Variants in U2SURP observed in about 807,000 individuals in gnomAD.
The protein encoded by U2SURP is U2 snRNP-associated SURP motif-containing protein.
Under a neutral mutation model 144.9 loss-of-function variants are expected in U2SURP, and 9 were observed. That is an observed-to-expected ratio of 0.06 (90% CI 0.04 to 0.11). The LOEUF is 0.11. U2SURP is among the 10% of genes least tolerant of loss of function. U2SURP has a pLI of 1.00. For missense variants in U2SURP, 724 were observed against 1,226.7 expected, an observed-to-expected ratio of 0.59 and a Z score of 6.12; for synonymous variants, 408 against 396.8, an observed-to-expected ratio of 1.03 and a Z score of -0.33.
intron 4 of U2SURP, among the ~76,000 whole-genome samples, chr3:143,014,729 CT>C (rs1465885315): frequency 6.6e-6 from 1 of 152,064 alleles, no homozygotes; most frequent in Admixed American, 6.6e-5. Flanking sequence ...ATACAGTACA[CT>C]TTTTTCCTAC....
intron 1 of U2SURP, among the ~76,000 whole-genome samples, chr3:143,004,491 G>A (rs938977535): frequency 1.4e-4 from 20 of 144,524 alleles, no homozygotes; most frequent in African/African-American, 5.1e-4. Flanking sequence ...AGCCTCCCGA[G>A]TAGCTGGGAC....
chr3:143,036,182 C>T, intron 20 of U2SURP, 78 bp downstream of exon 20: 1 of 1,418,410 alleles, frequency 7.1e-7, no homozygotes, highest in Non-Finnish European at 9.3e-7. Flanking sequence ...TTCTGTGTTA[C>T]ATATGTGAGG....
intron 3 of U2SURP, 24 bp from the exon 4 acceptor site, chr3:143,014,286 TA>T: frequency 6.6e-7 from 1 of 1,505,516 alleles, no homozygotes; most frequent in Non-Finnish European, 9.1e-7. Context: ...AATCTATATG[TA>T]AAAGTATGCT....
At chr3:143,035,121 CG>C (rs1560194066) in intron 19 of U2SURP, 146 bp downstream of exon 19, 2 of 443,680 alleles carry the variant, frequency 4.5e-6, no homozygotes, top group African/African-American at 4.1e-5. Flanking sequence ...AAAATTCTGT[CG>C]TTTTTGTTTT....
At chr3:143,043,378 T>G (rs1934222438) in intron 24 of U2SURP, 102 bp downstream of exon 24, 1 of 1,234,874 alleles carries the variant, frequency 8.1e-7, no homozygotes, top group Non-Finnish European at 1.1e-6. Context: ...ATACTGTTCC[T>G]TCTCTCTGCT....
At chr3:143,055,609 A>C (rs898286565) in intron 27 of U2SURP, among the ~76,000 whole-genome samples, 2 of 151,986 alleles carry the variant, frequency 1.3e-5, no homozygotes, top group African/African-American at 2.4e-5. Flanking sequence ...GAAATGTTTT[A>C]TTTATCTGGT....
intron 6 of U2SURP, among the ~76,000 whole-genome samples, chr3:143,018,933 A>T (rs1018131674): frequency 6.6e-6 from 1 of 152,158 alleles, no homozygotes; most frequent in Non-Finnish European, 1.5e-5. Flanking sequence ...CTCAAAAACA[A>T]ACAAACAAAC....
intron 16 of U2SURP, among the ~76,000 whole-genome samples, chr3:143,032,529 C>T (rs1370908739): frequency 6.6e-6 from 1 of 152,092 alleles, no homozygotes; most frequent in Non-Finnish European, 1.5e-5. Flanking sequence ...TGAAGAAATG[C>T]GTATGATTTT....
In U2SURP at chr3:143,001,650, G is replaced by A; in HGVS notation, c.22G>A (p.Gly8Arg). Residue 8 changes from glycine to arginine, a missense_variant, in exon 1 of 28, where the codon GGA (glycine) becomes AGA (arginine). By Grantham distance (125) the Gly-to-Arg change is moderately radical. Transcript: ENST00000473835. Reference protein sequence around the residue: MADKTPGGSQKASSKTRS... With the variant: MADKTPGRSQKASSKTRS... ...CAAGATGGCGGACAAAACGCCAGGC[G>A]GATCTCAGAAGGCCAGTTCAAAGGT... 1.2e-6 allele frequency: 2 copies of A among 1,614,002 alleles called. No individual in the cohort carries two copies. Among genetic ancestry groups the A allele is most frequent in the Non-Finnish European group, 1.7e-6 (2 of 1,179,888 alleles).
chr3:143,023,091 G>T, intron 12 of U2SURP, 27 bp downstream of exon 12: 1 of 1,525,896 alleles, frequency 6.6e-7, no homozygotes, highest in Non-Finnish European at 8.9e-7. Context: ...ACATAAGGCC[G>T]CATCTAATTT....
At chr3:143,044,725 A>G (rs1000028725) in intron 24 of U2SURP, among the ~76,000 whole-genome samples, 6 of 152,194 alleles carry the variant, frequency 3.9e-5, no homozygotes, top group Non-Finnish European at 7.3e-5. Flanking sequence ...TGTCAGTACT[A>G]TCTCCCTTAC....
rs1025961485 is a variant in U2SURP at position 143,041,969 on chromosome 3, T to C, written c.2385-1148T>C. Among the ~76,000 whole-genome samples, 10 of 149,526 alleles carry C rather than the reference T, an allele frequency of 6.7e-5. No homozygotes were observed. In the South Asian group the frequency reaches 8.5e-4, roughly 13 times the overall value. On this transcript the variant is annotated intron_variant, in intron 23 of 27. Coordinates refer to ENST00000473835, the MANE Select transcript of U2SURP (RefSeq NM_001080415.2). ...TGCCCAGATTTATTTGCCAATAGTA[T>C]ACACACACACACACACACACACAAC...
At chr3:143,014,652 T>C (rs1475341905) in intron 4 of U2SURP, among the ~76,000 whole-genome samples, 4 of 152,094 alleles carry the variant, frequency 2.6e-5, no homozygotes, top group African/African-American at 9.7e-5. Flanking sequence ...TCTTTTTGTA[T>C]AAGTAAAGTG....
chr3:143,047,639 C>T (rs1307401675), intron 24 of U2SURP, among the ~76,000 whole-genome samples: 4 of 46,200 alleles, frequency 8.7e-5, no homozygotes, highest in African/African-American at 2.3e-4. Context: ...CCCCCCCTCC[C>T]GCCTCCCGGA....
At chr3:143,046,751 T>G (rs1359985931) in intron 24 of U2SURP, among the ~76,000 whole-genome samples, 2 of 124,536 alleles carry the variant, frequency 1.6e-5, no homozygotes, top group East Asian at 4.7e-4. Context: ...ATCCGATTTC[T>G]CAATCTTTTC....
intron 6 of U2SURP, 81 bp from the exon 7 acceptor site, chr3:143,019,888 G>A: frequency 1.5e-6 from 1 of 656,814 alleles, no homozygotes; most frequent in South Asian, 3.6e-5. Flanking sequence ...GTACTGAAAT[G>A]ATGTAAAAAG....
At chr3:143,018,873 C>T (rs1390788680) in intron 6 of U2SURP, among the ~76,000 whole-genome samples, 2 of 152,036 alleles carry the variant, frequency 1.3e-5, no homozygotes, top group Admixed American at 1.3e-4. Flanking sequence ...TGTGGTGAGC[C>T]AAGATCACAG....
At chr3:143,004,076 C>A (rs1935690568) in intron 1 of U2SURP, among the ~76,000 whole-genome samples, 1 of 152,156 alleles carries the variant, frequency 6.6e-6, no homozygotes, top group Non-Finnish European at 1.5e-5. Context: ...TTTAGAATTT[C>A]TAGCCTTTGA....
chr3:143,008,775 ATTG>A (rs1348756244), intron 1 of U2SURP, among the ~76,000 whole-genome samples: 4 of 152,080 alleles, frequency 2.6e-5, no homozygotes, highest in South Asian at 2.1e-4. Flanking sequence ...TTTTGTTACT[ATTG>A]TTTGTTTTTG....
Sources: gnomAD v4.1 joint callset for allele counts (sites outside exome capture counted in the v4.1 genomes callset) on GRCh38, gnomAD v4.1.1 for gene constraint, MANE v1.5 for transcripts, NCBI Gene and HGNC (gene_info 2026-07-23, HGNC 2026-07-21) for gene names.